Variants in ZBED4 observed in about 807,000 individuals in gnomAD.
ZBED4 encodes the protein zinc finger BED-type containing 4, also known as zinc finger BED domain-containing protein 4.
Under a neutral mutation model 15.5 loss-of-function variants are expected in ZBED4, and 4 were observed. The ratio of observed to expected loss-of-function variants is 0.26; its 90% CI spans 0.13 to 0.59. The LOEUF (loss-of-function observed/expected upper bound fraction) is 0.59. ZBED4 is among the 20% of genes least tolerant of loss of function. The pLI is 0.90. For missense variants in ZBED4, 1,323 were observed against 1,461.8 expected (o/e 0.91, Z 1.55); for synonymous variants, 692 against 608.5 (o/e 1.14, Z -2.02).
chr22:49,881,713 G>GT (rs1473392379), intron 1 of ZBED4, among the ~76,000 whole-genome samples: 3 of 152,082 alleles, frequency 2.0e-5, no homozygotes, highest in Admixed American at 6.5e-5. Flanking sequence ...TTTTTGTTTT[G>GT]TAGAGAACAG....
In ZBED4 at chr22:49,856,086, C is replaced by T. The variant is rs1327945075; in HGVS notation, c.-330+2097C>T. On this transcript the variant is annotated intron_variant, in intron 1 of 1. Coordinates refer to ENST00000216268, the MANE Select transcript of ZBED4 (RefSeq NM_014838.3). ...CCCTTCTGCTCCCCACTTTTTAGCA[C>T]CTAGGTTTTTCTACATTCTGCAGTA... Among the ~76,000 whole-genome samples, 3 of 152,212 alleles carry T rather than the reference C, an allele frequency of 2.0e-5. No individual in the cohort carries two copies. The East Asian group carries it at 5.8e-4, about 29-fold the overall frequency.
intron 1 of ZBED4, among the ~76,000 whole-genome samples, chr22:49,859,525 C>A (rs971130833): frequency 1.3e-5 from 2 of 152,098 alleles, no homozygotes; most frequent in Admixed American, 6.6e-5. Flanking sequence ...CCCAGGCCTG[C>A]GTCAGCTGCT....
chr22:49,882,747 G>A lies in ZBED4; in HGVS notation c.-329-587G>A, dbSNP rs189935692. 2.4e-3 allele frequency among the ~76,000 whole-genome samples: 367 copies of A among 151,302 alleles called. 14 individuals are homozygous for A. In the East Asian group the frequency reaches 0.052, roughly 21 times the overall value. The stretch of plus-strand genomic sequence containing the variant: ...CCTCTTGGCTGCATTCCAGCACGGC[G>A]CAGCATCACTTGGGGACGGGGCATT... On this transcript the variant is annotated intron_variant, in intron 1 of 1. Coordinates refer to ENST00000216268, the MANE Select transcript of ZBED4 (RefSeq NM_014838.3).
intron 1 of ZBED4, among the ~76,000 whole-genome samples, chr22:49,880,577 C>T (rs79598201): frequency 0.026 from 3,935 of 152,344 alleles, 152 homozygotes; most frequent in African/African-American, 0.086. Flanking sequence ...CTGAAAACGT[C>T]GTTTCGTGCA....
chr22:49,879,161 CA>C (rs374622920), intron 1 of ZBED4, among the ~76,000 whole-genome samples: 3 of 144,286 alleles, frequency 2.1e-5, no homozygotes, highest in East Asian at 4.4e-4. Flanking sequence ...AAACAAAAAA[CA>C]AAAAAAAACA....
intron 1 of ZBED4, among the ~76,000 whole-genome samples, chr22:49,869,104 CAA>C (rs952924573): frequency 7.7e-6 from 1 of 130,022 alleles, no homozygotes; most frequent in Non-Finnish European, 1.6e-5. Flanking sequence ...GCCTGGGCAA[CAA>C]GAGCAAAACT....
intron 1 of ZBED4, among the ~76,000 whole-genome samples, chr22:49,863,145 C>A (rs1418496605): frequency 6.6e-6 from 1 of 152,116 alleles, no homozygotes; most frequent in Non-Finnish European, 1.5e-5. Context: ...CCAGTGTGTT[C>A]CTCTATCCTT....
chr22:49,855,404 A>G (rs148024723), intron 1 of ZBED4, among the ~76,000 whole-genome samples: 177 of 152,280 alleles, frequency 1.2e-3, no homozygotes, highest in African/African-American at 4.2e-3. Flanking sequence ...TGTTGGATGT[A>G]AAACCTCTGC....
intron 1 of ZBED4, among the ~76,000 whole-genome samples, chr22:49,880,564 C>A (rs563667984): frequency 6.6e-6 from 1 of 152,244 alleles, no homozygotes; most frequent in African/African-American, 2.4e-5. Flanking sequence ...TCTCTCTCAG[C>A]GTCTGAAAAC....
chr22:49,878,555 C>CA (rs1392015846), intron 1 of ZBED4, among the ~76,000 whole-genome samples: 2 of 151,974 alleles, frequency 1.3e-5, no homozygotes, highest in Non-Finnish European at 2.9e-5. Flanking sequence ...CATCCATGTG[C>CA]AAAAAAATGA....
chr22:49,862,669 C>G (rs917856317), intron 1 of ZBED4, among the ~76,000 whole-genome samples: 2 of 147,306 alleles, frequency 1.4e-5, no homozygotes, highest in African/African-American at 5.1e-5. Flanking sequence ...AACTGAGTAC[C>G]TCTAAATATT....
Position 49,883,608 on chromosome 22 carries a change from A to G in ZBED4, c.-55A>G. The G allele has an allele frequency of 6.8e-7, 1 of 1,476,256 alleles. No homozygotes were observed. Among genetic ancestry groups the G allele is most frequent in the Non-Finnish European group, 9.0e-7 (1 of 1,107,878 alleles). The allele number at this position is 1,476,256 out of a possible 1,614,324, so 91.4% of individuals were successfully genotyped here. On this transcript the variant is annotated 5_prime_UTR_variant, in exon 2 of 2. Coordinates refer to ENST00000216268, the MANE Select transcript of ZBED4 (RefSeq NM_014838.3). ...TCTACATTCGGGGGCACAAATGAGC[A>G]CTTGGATCAGTGTTTTATGAACCTA...
In ZBED4 at chr22:49,865,734, C is replaced by T. The variant is rs749888384; in HGVS notation, c.-330+11745C>T. Among the ~76,000 whole-genome samples the T allele has an allele frequency of 7.3e-4, 111 of 152,188 alleles. 2 individuals are homozygous for T. Among genetic ancestry groups the T allele is most frequent in the South Asian group, 2.1e-3 (10 of 4,818 alleles). On this transcript the variant is annotated intron_variant, in intron 1 of 1. Transcript: ENST00000216268. ...TGTGTTTTGGTTGAGGTTTGCTCTC[C>T]GGTAGATCTCTCAGGAAGGACTCAT...
rs955970466 is a variant in ZBED4, at chr22:49,888,511, A to G, written c.*1333A>G. The G allele has an allele frequency of 2.4e-5, 4 of 167,254 alleles. No individual in the cohort carries two copies. Among genetic ancestry groups the G allele is most frequent in the African/African-American group, 7.2e-5 (3 of 41,460 alleles). 10.4% of individuals were successfully genotyped at this position (167,254 alleles called of 1,614,324 possible). On this transcript the variant is annotated 3_prime_UTR_variant, in exon 2 of 2. Coordinates refer to ENST00000216268, the MANE Select transcript of ZBED4 (RefSeq NM_014838.3). ...ACAGGCATATTCTTTGTGGTCCATT[A>G]TCTAGAGCCCATACTTGGGCAGCAT...
chr22:49,865,961 C>T (rs539067687), intron 1 of ZBED4, among the ~76,000 whole-genome samples: 1 of 152,086 alleles, frequency 6.6e-6, no homozygotes, highest in East Asian at 1.9e-4. Flanking sequence ...GCCCTCCCGC[C>T]TCCACCTCCC....
chr22:49,866,444 G>A (rs560211349), intron 1 of ZBED4, among the ~76,000 whole-genome samples: 2 of 151,670 alleles, frequency 1.3e-5, no homozygotes, highest in South Asian at 4.2e-4. Context: ...TGTCATCTGT[G>A]GAGTTTGTTC....
rs971416730 is a variant in ZBED4, at chr22:49,883,740, G to A, written c.78G>A (p.Glu26=). 1 of 1,612,096 alleles carries A rather than the reference G, an allele frequency of 6.2e-7. No homozygotes were observed. Among genetic ancestry groups the A allele is most frequent in the Non-Finnish European group, 8.5e-7 (1 of 1,178,626 alleles). The change falls in exon 2 of 2, where the codon GAG becomes GAA. Residue 26 remains glutamate, a synonymous_variant. Coordinates refer to ENST00000216268, the MANE Select transcript of ZBED4 (RefSeq NM_014838.3). Reference sequence around the variant, plus strand: ...ATAAAATAAAGTTTAAAATAGAAGAGGAAGATGATGATGGAATTCCTCCTG... The same window carrying A: ...ATAAAATAAAGTTTAAAATAGAAGAAGAAGATGATGATGGAATTCCTCCTG... ...VSDKIKFKIE[E]EDDDGIPPDS... is the part of the protein sequence containing the mutation.
In ZBED4 at chr22:49,874,672, CTTTTTTTTT is replaced by C. The variant is rs10636316; in HGVS notation, c.-329-8644_-329-8636del. Among the ~76,000 whole-genome samples, 198 of 37,316 alleles carry C rather than the reference CTTTTTTTTT, an allele frequency of 5.3e-3. 4 individuals are homozygous for C. The highest frequency in any genetic ancestry group is 7.4e-3 in the Non-Finnish European group (168 of 22,780). The allele number at this position is 37,316 out of a possible 152,430, so 24.5% of individuals were successfully genotyped here. The stretch of plus-strand genomic sequence containing the variant: ...ACAGGCGTGAACCACCATGCCCAGC[CTTTTTTTTT>C]TTTTTTTTTTTTTTTTTGAGACGGA... On this transcript the variant is annotated intron_variant, in intron 1 of 1. Coordinates refer to ENST00000216268, the MANE Select transcript of ZBED4 (RefSeq NM_014838.3).
chr22:49,886,155 G>A lies in ZBED4; in HGVS notation c.2493G>A (p.Thr831=), dbSNP rs200359724. 4.3e-5 allele frequency: 30 copies of A among 694,724 alleles called. No homozygotes were observed. The highest frequency in any genetic ancestry group is 1.4e-4 in the Admixed American group (6 of 44,200). 43.0% of individuals were successfully genotyped at this position (694,724 alleles called of 1,614,324 possible). A position where few individuals can be genotyped will look rare whatever the true frequency, so the allele number is the denominator to read the frequency against. ...CGAGCGTGCAGTGCTTCAGCCATAC[G>A]GTGAACCTGATCGTCAGCGAGGCCA... The part of the protein sequence containing the change: ...EHSSVQCFSH[T]VNLIVSEAIK... Residue 831 remains threonine (T), a synonymous_variant, in exon 2 of 2, where the codon ACG becomes ACA. Transcript: ENST00000216268. The surrounding 1 kb of genome is among the most constrained non-coding windows in gnomAD (Gnocchi z 7.7).
Sources: gnomAD v4.1 joint callset for allele counts (sites outside exome capture counted in the v4.1 genomes callset) on GRCh38, gnomAD v4.1.1 for gene constraint, Gnocchi (gnomAD v3.1) non-coding constraint, MANE v1.5 for transcripts, NCBI Gene and HGNC (gene_info 2026-07-23, HGNC 2026-07-21) for gene names.